PDE10A: variants seen among roughly 807,000 people sequenced by gnomAD.
The protein encoded by PDE10A is cAMP and cAMP-inhibited cGMP 3',5'-cyclic phosphodiesterase 10A.
A neutral mutation model predicts 97.7 loss-of-function variants in PDE10A; 39 were observed. That is an observed-to-expected ratio of 0.40 (90% CI 0.31 to 0.52). PDE10A has a LOEUF of 0.52. Ranked by LOEUF, PDE10A falls within the 20% of genes least tolerant of loss-of-function variation. The pLI, the probability that PDE10A is intolerant of heterozygous loss-of-function variation, is 0.56. For missense variants in PDE10A, 731 were observed against 1,047.8 expected (o/e 0.70, Z 4.17); for synonymous variants, 371 against 376.8 (o/e 0.98, Z 0.18).
intron 18 of PDE10A, among the ~76,000 whole-genome samples, chr6:165,345,577 G>A (rs919573782): frequency 6.6e-6 from 1 of 152,154 alleles, no homozygotes; most frequent in South Asian, 2.1e-4. Context: ...ATAACCAATT[G>A]TGAAAGGATC....
At chr6:165,907,425 G>A (rs570879631) in intron 1 of PDE10A, among the ~76,000 whole-genome samples, 24 of 152,372 alleles carry the variant, frequency 1.6e-4, no homozygotes, top group African/African-American at 5.8e-4. Flanking sequence ...CGCGTTGCTG[G>A]AACTGGATTC....
At chr6:165,757,113 C>T (rs1480744787) in intron 1 of PDE10A, among the ~76,000 whole-genome samples, 1 of 152,032 alleles carries the variant, frequency 6.6e-6, no homozygotes, top group Non-Finnish European at 1.5e-5. Context: ...ATTACAGGCA[C>T]CCACCACCAC....
At chr6:165,645,179 A>G (rs1176754435) in intron 1 of PDE10A, among the ~76,000 whole-genome samples, 1 of 152,128 alleles carries the variant, frequency 6.6e-6, no homozygotes, top group Non-Finnish European at 1.5e-5. Flanking sequence ...GGGCCAGGAG[A>G]GCCCACTCGA....
At chr6:165,749,430 A>T (rs1792940527) in intron 1 of PDE10A, among the ~76,000 whole-genome samples, 1 of 151,536 alleles carries the variant, frequency 6.6e-6, no homozygotes, top group Non-Finnish European at 1.5e-5. Flanking sequence ...CACCATCACC[A>T]CCATCACCAT....
At position 165,882,551 on chromosome 6, in the gene PDE10A, T is replaced by C. The variant is rs143274961; in HGVS notation, c.-615+104978A>G. Among the ~76,000 whole-genome samples, 579 of 152,306 alleles carry C rather than the reference T, an allele frequency of 3.8e-3. 3 individuals carry two copies. The highest frequency in any genetic ancestry group is 0.014 in the African/African-American group (562 of 41,576). On this transcript the variant is annotated intron_variant, in intron 1 of 19. Coordinates refer to the PDE10A transcript ENST00000366882. ...TGCTAAGTTTCCACCTGCATTTTTA[T>C]TTAGGTTCAGCATGGCCATGAGTTG...
chr6:165,489,108 G>A (rs1401394597), intron 2 of PDE10A, among the ~76,000 whole-genome samples: 1 of 152,120 alleles, frequency 6.6e-6, no homozygotes, highest in South Asian at 2.1e-4. Context: ...ATGCACTCTT[G>A]ACAGTGCCAC....
chr6:165,782,595 T>C (rs1778373401), intron 1 of PDE10A, among the ~76,000 whole-genome samples: 1 of 152,242 alleles, frequency 6.6e-6, no homozygotes, highest in Non-Finnish European at 1.5e-5. Context: ...AACCCTCCCC[T>C]GACATTTCCT....
chr6:165,580,276 C>T (rs189877116), intron 1 of PDE10A, among the ~76,000 whole-genome samples: 20 of 152,116 alleles, frequency 1.3e-4, no homozygotes, highest in Admixed American at 1.2e-3. Context: ...GAAATGAAAC[C>T]TGAGCTGAGC....
chr6:165,640,232 T>C (rs1336535631), intron 1 of PDE10A, among the ~76,000 whole-genome samples: 1 of 152,228 alleles, frequency 6.6e-6, no homozygotes, highest in South Asian at 2.1e-4. Context: ...TAATGGTTTC[T>C]ATTTACCAGT....
At chr6:165,816,192 G>A (rs895267696) in intron 1 of PDE10A, among the ~76,000 whole-genome samples, 2 of 152,092 alleles carry the variant, frequency 1.3e-5, no homozygotes, top group Admixed American at 6.5e-5. Flanking sequence ...CTCGTGATCT[G>A]CCCGCCTTGG....
chr6:165,710,916 A>G lies in PDE10A; in HGVS notation c.-614-167348T>C, dbSNP rs73257456. Among the ~76,000 whole-genome samples the G allele has an allele frequency of 9.3e-3, 1,418 of 152,342 alleles. 28 individuals carry two copies. The highest frequency in any genetic ancestry group is 0.033 in the African/African-American group (1,367 of 41,578). ...TTCCTAATCATAGGCAATTTTCTCA[A>G]CTGCTTTGCCCATGAGGTCCCGGCT... On this transcript the variant is annotated intron_variant, in intron 1 of 19. Coordinates refer to the PDE10A transcript ENST00000366882.
chr6:165,468,699 T>G (rs1449471640), intron 3 of PDE10A, among the ~76,000 whole-genome samples: 1 of 152,214 alleles, frequency 6.6e-6, no homozygotes, highest in Non-Finnish European at 1.5e-5. Flanking sequence ...AACAAGAAAT[T>G]ATCAACTTGT....
chr6:165,582,526 C>T lies in PDE10A; in HGVS notation c.866-38958G>A, dbSNP rs181790903. 8.1e-4 allele frequency among the ~76,000 whole-genome samples: 122 copies of T among 151,180 alleles called. 1 individual carries two copies. The Middle Eastern group carries it at 0.017, about 21-fold the overall frequency. On this transcript the variant is annotated intron_variant, in intron 1 of 21. Transcript: ENST00000539869. Reference sequence around the variant, plus strand: ...AAATAAATCTACCTATGTTTAAATGCACAATGAAAAAACCACTGAAATTTA... The same window carrying T: ...AAATAAATCTACCTATGTTTAAATGTACAATGAAAAAACCACTGAAATTTA...
chr6:165,773,509 T>G (rs541080027), intron 1 of PDE10A, among the ~76,000 whole-genome samples: 1 of 152,342 alleles, frequency 6.6e-6, no homozygotes, highest in South Asian at 2.1e-4. Flanking sequence ...TACAAATACT[T>G]AATTTTTCTT....
chr6:165,987,435 T>G (rs1026526370), intron 1 of PDE10A: 1 of 320,488 alleles, frequency 3.1e-6, no homozygotes, highest in African/African-American at 2.2e-5. Flanking sequence ...GACAGGAAGT[T>G]TTTTTAAGTA....
chr6:165,365,669 G>A (rs1455921174), intron 18 of PDE10A, among the ~76,000 whole-genome samples: 1 of 152,166 alleles, frequency 6.6e-6, no homozygotes, highest in Non-Finnish European at 1.5e-5. Context: ...GCAGTGAGCT[G>A]TGGTTGTGCC....
At chr6:165,648,760 A>T (rs1454591893) in intron 1 of PDE10A, among the ~76,000 whole-genome samples, 1 of 152,262 alleles carries the variant, frequency 6.6e-6, no homozygotes, top group African/African-American at 2.4e-5. Context: ...CACAATACAG[A>T]GTGCCAAAAC....
intron 13 of PDE10A, among the ~76,000 whole-genome samples, chr6:165,411,593 A>T (rs1562439534): frequency 6.6e-6 from 1 of 152,224 alleles, no homozygotes; most frequent in Non-Finnish European, 1.5e-5. Context: ...TGTGATGTTT[A>T]TTACAGTGGC....
chr6:165,429,553 G>A (rs945837833), intron 9 of PDE10A, among the ~76,000 whole-genome samples: 11 of 152,092 alleles, frequency 7.2e-5, no homozygotes, highest in Admixed American at 2.0e-4. Flanking sequence ...CATATACAGT[G>A]ACATGTGAAA....
Sources: gnomAD v4.1 joint callset for allele counts (sites outside exome capture counted in the v4.1 genomes callset) on GRCh38, gnomAD v4.1.1 for gene constraint, MANE v1.5 for transcripts, NCBI Gene and HGNC (gene_info 2026-07-23, HGNC 2026-07-21) for gene names.